EIF4G3: variants seen among roughly 807,000 people sequenced by gnomAD.
The protein encoded by EIF4G3 is eukaryotic translation initiation factor 4 gamma 3, also known as eIF-4-gamma 3.
EIF4G3 carries 34 observed loss-of-function variants against 186.4 expected under a neutral mutation model. That is an observed-to-expected ratio of 0.18 (90% CI 0.14 to 0.24). The LOEUF is 0.24. EIF4G3 is among the 10% of genes least tolerant of loss of function. EIF4G3 has a pLI of 1.00. For synonymous variants in EIF4G3, 673 were observed against 679.5 expected (o/e 0.99, Z 0.15); for missense variants, 1,536 against 1,948.5 (o/e 0.79, Z 3.99).
intron 2 of EIF4G3, among the ~76,000 whole-genome samples, chr1:21,126,488 C>T (rs12731325): frequency 0.02 from 3,114 of 152,044 alleles, 59 homozygotes; most frequent in Non-Finnish European, 0.027. Context: ...CAGCAAGCCG[C>T]CATCTCTACA....
At chr1:21,114,697 C>T (rs1572764260) in intron 2 of EIF4G3, among the ~76,000 whole-genome samples, 1 of 151,626 alleles carries the variant, frequency 6.6e-6, no homozygotes, top group East Asian at 1.9e-4. Flanking sequence ...GATGTATATT[C>T]GAAGGCCAAC....
chr1:20,822,971 C>G (rs971786013), intron 33 of EIF4G3, among the ~76,000 whole-genome samples: 6 of 152,140 alleles, frequency 3.9e-5, no homozygotes, highest in Non-Finnish European at 7.3e-5. Context: ...TTTCTCAGCA[C>G]TCTGAGATTA....
At chr1:21,117,736 TA>T (rs71014156) in intron 2 of EIF4G3, among the ~76,000 whole-genome samples, 32,251 of 72,654 alleles carry the variant, frequency 0.44, 6,259 homozygotes, top group Admixed American at 0.51. Context: ...CAGTATATAG[TA>T]AAAAAAAAAA....
chr1:21,046,606 ATTT>A (rs757349221), intron 4 of EIF4G3, among the ~76,000 whole-genome samples: 30 of 152,258 alleles, frequency 2.0e-4, no homozygotes, highest in Non-Finnish European at 3.5e-4. Flanking sequence ...GGACAAAAAG[ATTT>A]AATTCACAGA....
At chr1:20,986,723 T>C (rs2079568278) in intron 7 of EIF4G3, among the ~76,000 whole-genome samples, 1 of 110,496 alleles carries the variant, frequency 9.1e-6, no homozygotes, top group South Asian at 3.2e-4. Flanking sequence ...CACTCCAGCC[T>C]GGGCGACAGA....
intron 12 of EIF4G3, among the ~76,000 whole-genome samples, chr1:20,960,376 G>A (rs1183496350): frequency 6.6e-6 from 1 of 152,080 alleles, no homozygotes; most frequent in South Asian, 2.1e-4. Flanking sequence ...TGAGACAGAA[G>A]AATCACTTGA....
In EIF4G3 at chr1:20,943,966, TATTTTTTTTG is replaced by T. The variant is rs1259876506; in HGVS notation, c.824-1646_824-1637del. On this transcript the variant is annotated intron_variant, in intron 13 of 36. Coordinates refer to ENST00000602326, the MANE Select transcript of EIF4G3 (RefSeq NM_001391906.1). Reference sequence around the variant, plus strand: ...AAAATATTTCAGGAAAACTTGTCTTTATTTTTTTTGTGTGTGTGTGTGTGTGTGTGTGTGT... The same window carrying T: ...AAAATATTTCAGGAAAACTTGTCTTTTGTGTGTGTGTGTGTGTGTGTGTGT... Among the ~76,000 whole-genome samples, 6 of 17,112 alleles carry T rather than the reference TATTTTTTTTG, an allele frequency of 3.5e-4. 1 individual carries two copies. The highest frequency in any genetic ancestry group is 8.8e-4 in the African/African-American group (6 of 6,826). The allele number at this position is 17,112 out of a possible 152,430, so 11.2% of individuals were successfully genotyped here.
At chr1:21,044,804 C>T (rs761664598) in intron 4 of EIF4G3, among the ~76,000 whole-genome samples, 1 of 152,040 alleles carries the variant, frequency 6.6e-6, no homozygotes, top group Admixed American at 6.6e-5. Flanking sequence ...TGTGCCATCA[C>T]ACCTAGCTAG....
intron 2 of EIF4G3, among the ~76,000 whole-genome samples, chr1:21,163,195 G>C (rs180926464): frequency 6.6e-6 from 1 of 152,154 alleles, no homozygotes; most frequent in Non-Finnish European, 1.5e-5. Flanking sequence ...TGACATTCCA[G>C]AGCCACACTC....
At chr1:20,986,512 A>G (rs1274457556) in intron 7 of EIF4G3, among the ~76,000 whole-genome samples, 1 of 152,116 alleles carries the variant, frequency 6.6e-6, no homozygotes, top group Non-Finnish European at 1.5e-5. Context: ...ACTGCATGAC[A>G]GTGTCAAACT....
chr1:20,872,215 T>C (rs1453911076), intron 20 of EIF4G3, among the ~76,000 whole-genome samples: 5 of 152,070 alleles, frequency 3.3e-5, no homozygotes, highest in Non-Finnish European at 5.9e-5. Flanking sequence ...CTTGAACTCC[T>C]GGGCTCAAGT....
At chr1:21,093,075 G>T (rs1388816445) in intron 2 of EIF4G3, among the ~76,000 whole-genome samples, 1 of 152,132 alleles carries the variant, frequency 6.6e-6, no homozygotes, top group Non-Finnish European at 1.5e-5. Flanking sequence ...AAAAGCAATG[G>T]CAACAAAAGA....
intron 2 of EIF4G3, among the ~76,000 whole-genome samples, chr1:21,149,446 A>G (rs953793666): frequency 1.9e-4 from 29 of 152,196 alleles, no homozygotes; most frequent in Admixed American, 1.3e-3. Context: ...CATCACACTG[A>G]AAGAGAAATG....
chr1:20,839,586 C>G (rs2067841196), intron 30 of EIF4G3, among the ~76,000 whole-genome samples: 1 of 152,120 alleles, frequency 6.6e-6, no homozygotes, highest in Non-Finnish European at 1.5e-5. Context: ...CCTCTGCCTC[C>G]CGGGTTCAAG....
chr1:20,829,395 G>T, intron 30 of EIF4G3, 123 bp from the exon 31 acceptor site: 1 of 1,077,384 alleles, frequency 9.3e-7, no homozygotes, highest in Non-Finnish European at 1.4e-6. Context: ...GTACAGTCTA[G>T]CCACAAAGTG....
At chr1:20,974,994 C>A (rs61200708) in intron 10 of EIF4G3, among the ~76,000 whole-genome samples, 16 of 152,284 alleles carry the variant, frequency 1.1e-4, no homozygotes, top group African/African-American at 3.8e-4. Context: ...TCCCCACTAC[C>A]ACCATAACAC....
intron 10 of EIF4G3, 140 bp from the exon 11 acceptor site, chr1:20,973,239 A>T: frequency 1.6e-6 from 1 of 616,470 alleles, no homozygotes; most frequent in Non-Finnish European, 2.8e-6. Context: ...ATCTTTTTCC[A>T]CTAGCTCTCC....
chr1:20,866,409 A>G (rs187322813), intron 20 of EIF4G3, among the ~76,000 whole-genome samples: 107 of 152,332 alleles, frequency 7.0e-4, no homozygotes, highest in Middle Eastern at 3.4e-3. Context: ...GTTACACTGC[A>G]TATTTCCTTT....
At chr1:20,874,153 G>A (rs371890893) in intron 20 of EIF4G3, among the ~76,000 whole-genome samples, 26 of 152,190 alleles carry the variant, frequency 1.7e-4, no homozygotes, top group East Asian at 7.7e-4. Context: ...ATAAACACAC[G>A]TGTGCATGTG....
Sources: allele counts gnomAD v4.1 joint callset (sites outside exome capture counted in the v4.1 genomes callset), GRCh38; gene constraint gnomAD v4.1.1; transcripts MANE v1.5; gene names NCBI Gene and HGNC (gene_info 2026-07-23, HGNC 2026-07-21).